Variants in CHST8 observed in about 807,000 individuals in gnomAD.
The protein encoded by CHST8 is GALNAC-4-ST1.
A neutral mutation model predicts 15.0 loss-of-function variants in CHST8; 10 were observed. The observed-to-expected ratio is 0.67, with a 90% CI of 0.41 to 1.13. The LOEUF (loss-of-function observed/expected upper bound fraction) is 1.13, where lower values mean the gene tolerates loss of function less well. CHST8 is among the 50% of genes most tolerant of loss of function. CHST8 has a pLI of 0.00. For synonymous variants in CHST8, 259 were observed against 256.6 expected (o/e 1.01, Z -0.09); for missense variants, 634 against 608.2 (o/e 1.04, Z -0.45).
intron 2 of CHST8, among the ~76,000 whole-genome samples, chr19:33,670,035 G>A (rs959355031): frequency 4.6e-5 from 7 of 152,204 alleles, no homozygotes; most frequent in Non-Finnish European, 2.9e-5. Flanking sequence ...GTTTCTGTGT[G>A]TGTGAATACA....
At chr19:33,709,324 C>T (rs1176068050) in intron 3 of CHST8, among the ~76,000 whole-genome samples, 2 of 152,136 alleles carry the variant, frequency 1.3e-5, no homozygotes, top group Non-Finnish European at 2.9e-5. Flanking sequence ...TTCCATCTTT[C>T]ACCAATAAGT....
intron 1 of CHST8, among the ~76,000 whole-genome samples, chr19:33,639,699 C>T (rs1265661826): frequency 1.3e-5 from 2 of 152,052 alleles, no homozygotes; most frequent in Non-Finnish European, 2.9e-5. Flanking sequence ...GCTGTGTTCT[C>T]AGGCTGATCC....
chr19:33,728,552 C>A (rs1973943056), intron 3 of CHST8, among the ~76,000 whole-genome samples: 1 of 152,246 alleles, frequency 6.6e-6, no homozygotes, highest in South Asian at 2.1e-4. Flanking sequence ...CCCTGCAGGC[C>A]TCACACAGTC....
At chr19:33,682,891 G>A (rs12460209) in intron 2 of CHST8, among the ~76,000 whole-genome samples, 8 of 152,134 alleles carry the variant, frequency 5.3e-5, no homozygotes, top group African/African-American at 9.7e-5. Context: ...GGTTTAATTC[G>A]CTTGTGGTTC....
At chr19:33,754,229 C>A (rs1267710732) in intron 3 of CHST8, among the ~76,000 whole-genome samples, 1 of 149,782 alleles carries the variant, frequency 6.7e-6, no homozygotes, top group Non-Finnish European at 1.5e-5. Flanking sequence ...ACCCCCTCCT[C>A]ACTCACACTT....
chr19:33,737,642 G>A (rs79842359), intron 3 of CHST8, among the ~76,000 whole-genome samples: 2,841 of 152,262 alleles, frequency 0.019, 34 homozygotes, highest in Non-Finnish European at 0.027. Flanking sequence ...TGGAAGCCAC[G>A]TGCCATACTA....
At position 33,772,466 on chromosome 19, in the gene CHST8, C is replaced by T. The variant is rs765966758; in HGVS notation, c.678C>T (p.Thr226=). ...CCACTGCCGACATCCAGCACAACAC[C>T]GTCCACTATGGCAGCGCTCTCAAGC... ...ASSTADIQHN[T]VHYGSALKRL... Residue 226 remains threonine, a synonymous_variant, in exon 5 of 5, where the codon ACC becomes ACT. Transcript: ENST00000650847. 5.6e-6 allele frequency: 9 copies of T among 1,613,136 alleles called. No homozygotes were observed. In the East Asian group the frequency reaches 1.8e-4, roughly 32 times the overall value.
intron 3 of CHST8, among the ~76,000 whole-genome samples, chr19:33,757,503 A>AG (rs1568358674): frequency 4.1e-5 from 2 of 49,196 alleles, no homozygotes; most frequent in Non-Finnish European, 8.6e-5. Flanking sequence ...AGAAAGAAAG[A>AG]AAGAAAGAAA....
chr19:33,747,420 G>A (rs548228372), intron 3 of CHST8, among the ~76,000 whole-genome samples: 76 of 152,318 alleles, frequency 5.0e-4, no homozygotes, highest in Middle Eastern at 3.4e-3. Flanking sequence ...CCTTCTCCAG[G>A]GAGGAAGAGA....
rs1175483059 is a variant in CHST8, at chr19:33,757,446, GAA to G, written c.131-13965_131-13964del. On this transcript the variant is annotated intron_variant, in intron 3 of 4. Transcript: ENST00000650847. Reference sequence around the variant, plus strand: ...AGAAAGAAAGAAAGAAAGAAAGAAAGAAAGAAAGAAAGAAAGAAAGAAAGAAA... The same window carrying G: ...AGAAAGAAAGAAAGAAAGAAAGAAAGAGAAAGAAAGAAAGAAAGAAAGAAA... 3.0e-3 allele frequency among the ~76,000 whole-genome samples: 80 copies of G among 27,092 alleles called. 7 individuals are homozygous for G. Among genetic ancestry groups the G allele is most frequent in the African/African-American group, 7.2e-3 (49 of 6,814 alleles). 17.8% of individuals were successfully genotyped at this position (27,092 alleles called of 152,430 possible).
At chr19:33,765,198 A>C (rs557979364) in intron 3 of CHST8, among the ~76,000 whole-genome samples, 1 of 151,938 alleles carries the variant, frequency 6.6e-6, no homozygotes, top group East Asian at 1.9e-4. Flanking sequence ...AGCTGTGTGA[A>C]GACGAAGCAG....
intron 2 of CHST8, among the ~76,000 whole-genome samples, chr19:33,668,902 C>T (rs1043862476): frequency 6.6e-6 from 1 of 151,982 alleles, no homozygotes; most frequent in Non-Finnish European, 1.5e-5. Flanking sequence ...TCTGTTTGAA[C>T]GTGAGGATAT....
intron 1 of CHST8, among the ~76,000 whole-genome samples, chr19:33,666,051 G>A (rs556952908): frequency 6.6e-6 from 1 of 152,354 alleles, no homozygotes; most frequent in East Asian, 1.9e-4. Flanking sequence ...GATCATGTCT[G>A]TGCAGGTGCC....
At chr19:33,646,587 T>G (rs1256172590) in intron 1 of CHST8, among the ~76,000 whole-genome samples, 1 of 152,178 alleles carries the variant, frequency 6.6e-6, no homozygotes, top group Non-Finnish European at 1.5e-5. Context: ...GGGGGTTAGT[T>G]TCAGGAAGGG....
intron 1 of CHST8, among the ~76,000 whole-genome samples, chr19:33,657,682 C>T (rs1414906890): frequency 2.0e-5 from 3 of 152,094 alleles, no homozygotes; most frequent in Non-Finnish European, 4.4e-5. Context: ...GATCCTCTCA[C>T]AGCAGCCTCT....
At chr19:33,747,725 T>C (rs911858033) in intron 3 of CHST8, among the ~76,000 whole-genome samples, 49 of 152,352 alleles carry the variant, frequency 3.2e-4, no homozygotes, top group African/African-American at 1.2e-3. Context: ...GGGTGGTGAA[T>C]ACCTGGCTGT....
intron 1 of CHST8, among the ~76,000 whole-genome samples, chr19:33,660,622 T>C (rs933768581): frequency 1.3e-5 from 2 of 152,176 alleles, no homozygotes; most frequent in Admixed American, 6.5e-5. Flanking sequence ...GCCACGGCAA[T>C]GACCCGGAAG....
chr19:33,683,110 G>T (rs147155929), intron 2 of CHST8, among the ~76,000 whole-genome samples: 14 of 152,268 alleles, frequency 9.2e-5, no homozygotes, highest in Non-Finnish European at 1.5e-4. Flanking sequence ...CATCACCAAG[G>T]GGATGGCACC....
intron 3 of CHST8, 50 bp from the exon 4 acceptor site, chr19:33,771,363 G>C (rs983000462): frequency 3.8e-6 from 6 of 1,587,930 alleles, no homozygotes; most frequent in Non-Finnish European, 5.2e-6. Flanking sequence ...TTCCCTGGGA[G>C]CCATGTGGCA....
Sources: gnomAD v4.1 joint callset for allele counts (sites outside exome capture counted in the v4.1 genomes callset) on GRCh38, gnomAD v4.1.1 for gene constraint, MANE v1.5 for transcripts, NCBI Gene and HGNC (gene_info 2026-07-23, HGNC 2026-07-21) for gene names.